CLMN: variants seen among roughly 807,000 people sequenced by gnomAD.
CLMN encodes the protein calmin (calponin-like, transmembrane).
Under a neutral mutation model 92.7 loss-of-function variants are expected in CLMN, and 57 were observed. The observed-to-expected ratio is 0.61, with a 90% confidence interval of 0.50 to 0.77. CLMN has a LOEUF of 0.77. Among genes scored for constraint, CLMN ranks in the 30% least tolerant of loss-of-function variants. CLMN has a pLI of 0.00. For synonymous variants in CLMN, 466 were observed against 470.6 expected, an observed-to-expected ratio of 0.99 and a Z score of 0.13; for missense variants, 1,158 against 1,237.5, an observed-to-expected ratio of 0.94 and a Z score of 0.96.
chr14:95,267,086 T>C (rs530624720), intron 1 of CLMN, among the ~76,000 whole-genome samples: 2 of 152,162 alleles, frequency 1.3e-5, no homozygotes, highest in South Asian at 2.1e-4. Context: ...AAAGAAAACA[T>C]TGAGGAAATG....
chr14:95,234,745 C>G (rs1461510067), intron 1 of CLMN, among the ~76,000 whole-genome samples: 1 of 152,208 alleles, frequency 6.6e-6, no homozygotes, highest in Admixed American at 6.5e-5. Context: ...CTAGGTGTGT[C>G]TTTAGCTCTG....
chr14:95,204,585 C>T (rs950296930), intron 8 of CLMN, 122 bp from the exon 9 acceptor site: 1 of 922,244 alleles, frequency 1.1e-6, no homozygotes, highest in Non-Finnish European at 1.6e-6. Flanking sequence ...TTTCCCAAAA[C>T]ACAAACAAAC....
intron 9 of CLMN, among the ~76,000 whole-genome samples, chr14:95,198,491 G>A (rs1039516444): frequency 2.6e-5 from 4 of 151,932 alleles, no homozygotes; most frequent in African/African-American, 7.2e-5. Flanking sequence ...TCACCCACAC[G>A]GATTGAGGCA....
chr14:95,193,399 G>T (rs1896609166), intron 12 of CLMN: 1 of 1,534,058 alleles, frequency 6.5e-7, no homozygotes, highest in Non-Finnish European at 8.7e-7. Context: ...AGCTCAGTAA[G>T]CTTCTGAGTA....
intron 6 of CLMN, among the ~76,000 whole-genome samples, chr14:95,211,982 A>AC (rs1897212319): frequency 6.6e-6 from 1 of 151,230 alleles, no homozygotes; most frequent in African/African-American, 2.4e-5. Flanking sequence ...CATACATCAC[A>AC]CCCCCCTTCT....
At chr14:95,297,094 C>T (rs1368979206) in intron 1 of CLMN, among the ~76,000 whole-genome samples, 1 of 152,164 alleles carries the variant, frequency 6.6e-6, no homozygotes, top group Non-Finnish European at 1.5e-5. Context: ...GTGGCTTTCC[C>T]TGCAGATATC....
chr14:95,244,617 A>G (rs987552705), intron 1 of CLMN, among the ~76,000 whole-genome samples: 4 of 152,192 alleles, frequency 2.6e-5, no homozygotes, highest in African/African-American at 9.7e-5. Flanking sequence ...ATCCAGTACA[A>G]TGGAAGGTTT....
chr14:95,254,064 G>T (rs550964547), intron 1 of CLMN, among the ~76,000 whole-genome samples: 1 of 152,186 alleles, frequency 6.6e-6, no homozygotes, highest in Non-Finnish European at 1.5e-5. Flanking sequence ...GAAAGGGCCT[G>T]GGGTCCCCTC....
At chr14:95,216,819 C>G (rs954843178) in intron 4 of CLMN, among the ~76,000 whole-genome samples, 1 of 152,200 alleles carries the variant, frequency 6.6e-6, no homozygotes, top group Non-Finnish European at 1.5e-5. Context: ...TCTGGACCAG[C>G]AGCATCTGTA....
intron 1 of CLMN, among the ~76,000 whole-genome samples, chr14:95,242,745 T>A (rs769174731): frequency 1.3e-4 from 19 of 151,572 alleles, no homozygotes; most frequent in Non-Finnish European, 2.6e-4. Flanking sequence ...TTTTTTGTAT[T>A]TTTAGTAGAG....
chr14:95,227,257 T>TAC (rs1399413168), intron 2 of CLMN, among the ~76,000 whole-genome samples: 28 of 152,224 alleles, frequency 1.8e-4, no homozygotes, highest in Admixed American at 1.8e-3. Context: ...TTACCCTTTA[T>TAC]ACGAGTCCCT....
At chr14:95,227,005 G>T (rs751518299) in intron 2 of CLMN, among the ~76,000 whole-genome samples, 7 of 152,204 alleles carry the variant, frequency 4.6e-5, no homozygotes, top group Non-Finnish European at 1.0e-4. Flanking sequence ...ACAGGGGAAG[G>T]CTGGGCATTC....
intron 8 of CLMN, among the ~76,000 whole-genome samples, chr14:95,204,790 A>T (rs770864362): frequency 4.6e-5 from 7 of 152,234 alleles, no homozygotes; most frequent in Non-Finnish European, 7.3e-5. Context: ...TTCTAAAGTG[A>T]GCAGAGATTG....
chr14:95,221,671 G>C lies in CLMN; in HGVS notation c.324+20C>G, dbSNP rs970287800. On this transcript the variant is annotated intron_variant, in intron 4 of 12. Transcript: ENST00000298912. ...TAACAGGACAAGCTTGTGTTAGCAG[G>C]ATGAGCTTCAAACACTTACATTGCT... 2 of 1,602,908 alleles carry C rather than the reference G, an allele frequency of 1.2e-6. No homozygotes were observed. The highest frequency in any genetic ancestry group is 1.7e-5 in the Admixed American group (1 of 59,802).
In CLMN at chr14:95,312,761, C is replaced by T. The variant is rs932448679; in HGVS notation, c.82+6950G>A. 5.3e-5 allele frequency among the ~76,000 whole-genome samples: 8 copies of T among 152,226 alleles called. No individual in the cohort carries two copies. The East Asian group carries it at 5.8e-4, about 11-fold the overall frequency. On this transcript the variant is annotated intron_variant, in intron 1 of 12. Coordinates refer to ENST00000298912, the MANE Select transcript of CLMN (RefSeq NM_024734.4). ...AATGACCAGGCAAGTGTGGGAGGCA[C>T]GTGGCAGGGGTTCCAAGATAACACC...
In CLMN at chr14:95,204,087, G is replaced by A. The variant is rs201300248; in HGVS notation, c.1262C>T (p.Pro421Leu). The A allele has an allele frequency of 5.7e-5, 92 of 1,613,894 alleles. No individual in the cohort carries two copies. Among genetic ancestry groups the A allele is most frequent in the Admixed American group, 1.3e-4 (8 of 60,002 alleles). ...RKENGRSNSL[P>L]IKKTVHFEAD... ...CTCAAAGTGAACTGTTTTCTTGATCGGCAAAGAGTTGGACCTCCCGTTCTC... is the reference window on the plus strand; with the variant it reads ...CTCAAAGTGAACTGTTTTCTTGATCAGCAAAGAGTTGGACCTCCCGTTCTC... The change falls in exon 9 of 13, where the codon CCG (proline) becomes CTG (leucine). Residue 421 changes from proline to leucine, a missense_variant. Physicochemically the swap from Pro to Leu is moderately conservative, Grantham distance 98 (BLOSUM62 -3). Coordinates refer to ENST00000298912, the MANE Select transcript of CLMN (RefSeq NM_024734.4).
At chr14:95,260,674 T>C (rs1304894382) in intron 1 of CLMN, 1 of 152,240 alleles carries the variant, frequency 6.6e-6, no homozygotes, top group African/African-American at 2.4e-5. Context: ...CAATACATAT[T>C]GTGGGGTGAG....
intron 1 of CLMN, among the ~76,000 whole-genome samples, chr14:95,317,245 G>A (rs867031192): frequency 6.6e-6 from 1 of 152,220 alleles, no homozygotes; most frequent in African/African-American, 2.4e-5. Flanking sequence ...GGAGCAAGGA[G>A]AGAAAATGCC....
intron 1 of CLMN, among the ~76,000 whole-genome samples, chr14:95,315,289 G>A (rs79060682): frequency 6.6e-5 from 10 of 152,082 alleles, no homozygotes; most frequent in East Asian, 1.9e-4. Flanking sequence ...CCTTTTTCTC[G>A]TGGTCACATG....
Sources: allele counts gnomAD v4.1 joint callset (sites outside exome capture counted in the v4.1 genomes callset), GRCh38; gene constraint gnomAD v4.1.1; transcripts MANE v1.5; gene names NCBI Gene and HGNC (gene_info 2026-07-23, HGNC 2026-07-21).